NBPF6: variants seen among roughly 807,000 people sequenced by gnomAD.
The protein encoded by NBPF6 is NBPF family member NBPF6.
Under a neutral mutation model 20.8 loss-of-function variants are expected in NBPF6, and 2 were observed. That is an observed-to-expected ratio of 0.10 (90% CI 0.04 to 0.30). The LOEUF is 0.30. Among genes scored for constraint, NBPF6 ranks in the 10% least tolerant of loss-of-function variants. The pLI is 1.00. For synonymous variants in NBPF6, 24 were observed against 100.0 expected (o/e 0.24, Z 4.53); for missense variants, 85 against 260.3 (o/e 0.33, Z 4.63).
At chr1:108,470,569 T>C in intron 14 of NBPF6, 28 bp from the exon 15 acceptor site, 1 of 1,541,904 alleles carries the variant, frequency 6.5e-7, no homozygotes, top group African/African-American at 1.4e-5. Flanking sequence ...AATGCTCATT[T>C]GATTTTTTTT....
At chr1:108,449,434 A>C (rs1316807124), upstream of NBPF6, among the ~76,000 whole-genome samples, 25 of 11,924 alleles carry the variant, frequency 2.1e-3, no homozygotes, top group African/African-American at 2.9e-3. Flanking sequence ...ATATATATAT[A>C]TATATATATA....
chr1:108,469,161 G>A (rs1344595348), intron 14 of NBPF6, among the ~76,000 whole-genome samples: 1 of 150,224 alleles, frequency 6.7e-6, no homozygotes, highest in East Asian at 2.0e-4. Context: ...TCTGCTTGAA[G>A]CACACTTGCT....
chr1:108,468,057 A>T (rs1401320403), intron 14 of NBPF6, among the ~76,000 whole-genome samples: 3 of 151,104 alleles, frequency 2.0e-5, no homozygotes, highest in African/African-American at 7.4e-5. Context: ...TTTGTGTAGA[A>T]ATCATTGCTT....
At chr1:108,436,592 CAAAAAAA>C in the NBPF6 span, among the ~76,000 whole-genome samples, 2 of 16,352 alleles carry the variant, frequency 1.2e-4, no homozygotes, top group African/African-American at 2.4e-4. Context: ...GGCTCTGTCT[CAAAAAAA>C]AAAAAAAAAA....
intron 3 of NBPF6, among the ~76,000 whole-genome samples, chr1:108,452,980 T>TTG (rs759252996): frequency 0.23 from 10,854 of 46,810 alleles, 1,986 homozygotes; most frequent in Middle Eastern, 0.3. Context: ...GTATGTTTGT[T>TTG]TGTGTGTGTG....
At chr1:108,449,479 G>A (rs1161675555), upstream of NBPF6, among the ~76,000 whole-genome samples, 3 of 9,204 alleles carry the variant, frequency 3.3e-4, 1 homozygote, top group African/African-American at 4.0e-4. Flanking sequence ...AATATTCCCT[G>A]AGAAGCGTTC....
At position 108,471,555 on chromosome 1, in the gene NBPF6, C is replaced by T. The variant is rs892565112; in HGVS notation, c.*917C>T. Among the ~76,000 whole-genome samples, 45 of 152,258 alleles carry T rather than the reference C, an allele frequency of 3.0e-4. No homozygotes were observed. Among genetic ancestry groups the T allele is most frequent in the Non-Finnish European group, 6.5e-4 (44 of 68,022 alleles). On this transcript the variant is annotated 3_prime_UTR_variant, in exon 15 of 15. Coordinates refer to ENST00000495380, the MANE Select transcript of NBPF6 (RefSeq NM_001143988.2). ...TGAAATAGTATAAATATCCTGTATTCTAACAATCTTCTTCTGAGTATTTTA... is the reference window on the plus strand; with the variant it reads ...TGAAATAGTATAAATATCCTGTATTTTAACAATCTTCTTCTGAGTATTTTA...
At chr1:108,437,787 A>AGGGAGG in the NBPF6 span, among the ~76,000 whole-genome samples, 1 of 22,882 alleles carries the variant, frequency 4.4e-5, no homozygotes, top group Non-Finnish European at 1.1e-4. Flanking sequence ...AGGGAGGGAG[A>AGGGAGG]GAGGGAGGGA....
intron 9 of NBPF6, among the ~76,000 whole-genome samples, chr1:108,459,612 A>T (rs1201940921): frequency 1.5e-5 from 1 of 66,798 alleles, no homozygotes; most frequent in Admixed American, 1.5e-4. Flanking sequence ...AAAGGAATGA[A>T]ACCACTGTTA....
chr1:108,467,575 C>G lies in NBPF6; in HGVS notation c.1785C>G (p.Val595=). 1 of 1,550,044 alleles carries G rather than the reference C, an allele frequency of 6.5e-7. No individual in the cohort carries two copies. Among genetic ancestry groups the G allele is most frequent in the South Asian group, 1.2e-5 (1 of 83,996 alleles). ...QVTGRIRASL[V]LILKTIRRRL... is the part of the protein sequence containing the mutation. ...CTGGCCGGATTCGTGCCTCCCTTGT[C>G]CTGATACTGAAGACCATCAGAAGAA... Residue 595 remains valine (V), a synonymous_variant, in exon 14 of 15, where the codon GTC becomes GTG. Transcript: ENST00000495380.
chr1:108,436,679 C>T, the NBPF6 span, among the ~76,000 whole-genome samples: 5 of 80,458 alleles, frequency 6.2e-5, no homozygotes, highest in African/African-American at 1.9e-4. Flanking sequence ...TAAACCAATG[C>T]ATATATGGAT....
chr1:108,452,024 C>T lies in NBPF6; in HGVS notation c.179-166C>T, dbSNP rs1652868563. 8.1e-5 allele frequency among the ~76,000 whole-genome samples: 2 copies of T among 24,638 alleles called. 1 individual carries two copies. Among genetic ancestry groups the T allele is most frequent in the African/African-American group, 1.7e-4 (2 of 11,822 alleles). The allele number at this position is 24,638 out of a possible 152,430, so 16.2% of individuals were successfully genotyped here. A position where few individuals can be genotyped will look rare whatever the true frequency, so the allele number is the denominator to read the frequency against. On this transcript the variant is annotated intron_variant, in intron 2 of 14. Coordinates refer to ENST00000495380, the MANE Select transcript of NBPF6 (RefSeq NM_001143988.2). ...CCCTGAGCTGGGGAGTATCAGATGC[C>T]AGAAAGTTGGGAGGTTGATAAATAA...
chr1:108,426,461 A>ACAAT, the NBPF6 span, among the ~76,000 whole-genome samples: 1 of 91,094 alleles, frequency 1.1e-5, no homozygotes, highest in African/African-American at 4.0e-5. Flanking sequence ...AAACAAACAA[A>ACAAT]TAACCTCTAT....
At chr1:108,467,362 T>C in intron 13 of NBPF6, 89 bp from the exon 14 acceptor site, 1 of 1,520,062 alleles carries the variant, frequency 6.6e-7, no homozygotes, top group East Asian at 2.5e-5. Context: ...CAAGGCTCTT[T>C]CCTGATTTGA....
chr1:108,449,430 A>C (rs1351401999), upstream of NBPF6, among the ~76,000 whole-genome samples: 109 of 11,718 alleles, frequency 9.3e-3, no homozygotes, highest in African/African-American at 0.013. Context: ...ATATATATAT[A>C]TATATATATA....
chr1:108,452,785 T>C lies in NBPF6; in HGVS notation c.279-396T>C, dbSNP rs1652910263. On this transcript the variant is annotated intron_variant, in intron 3 of 14. Coordinates refer to ENST00000495380, the MANE Select transcript of NBPF6 (RefSeq NM_001143988.2). ...TGTATCTAGTCACTGCAAGATGCGCTATGTGAATTTTCACATAGAGATGCC... is the reference window on the plus strand; with the variant it reads ...TGTATCTAGTCACTGCAAGATGCGCCATGTGAATTTTCACATAGAGATGCC... Among the ~76,000 whole-genome samples the C allele has an allele frequency of 2.6e-5, 2 of 76,236 alleles. 1 individual carries two copies. The highest frequency in any genetic ancestry group is 6.4e-5 in the Non-Finnish European group (2 of 31,446). 50.0% of individuals were successfully genotyped at this position (76,236 alleles called of 152,430 possible).
Sources: gnomAD v4.1 joint callset for allele counts (sites outside exome capture counted in the v4.1 genomes callset) on GRCh38, gnomAD v4.1.1 for gene constraint, MANE v1.5 for transcripts, NCBI Gene and HGNC (gene_info 2026-07-23, HGNC 2026-07-21) for gene names.